Variants in GPC6 observed in about 807,000 individuals in gnomAD.
GPC6 encodes glypican 6, also known as glypican-6.
A neutral mutation model predicts 55.2 loss-of-function variants in GPC6; 14 were observed. The observed-to-expected ratio is 0.25, with a 90% CI of 0.17 to 0.40. The LOEUF is 0.40. Ranked by LOEUF, GPC6 falls within the 10% of genes least tolerant of loss-of-function variation. The pLI is 1.00. For synonymous variants in GPC6, 278 were observed against 259.6 expected (o/e 1.07, Z -0.68); for missense variants, 641 against 708.5 (o/e 0.90, Z 1.08).
intron 2 of GPC6, among the ~76,000 whole-genome samples, chr13:93,581,660 C>T (rs371133823): frequency 2.1e-4 from 32 of 152,060 alleles, no homozygotes; most frequent in African/African-American, 3.1e-4. Context: ...GCGAAGATTG[C>T]GCTGCTGCAC....
At chr13:94,167,307 G>A (rs1888401726) in intron 4 of GPC6, among the ~76,000 whole-genome samples, 1 of 152,194 alleles carries the variant, frequency 6.6e-6, no homozygotes, top group Non-Finnish European at 1.5e-5. Flanking sequence ...AACAGAGAGA[G>A]AGAGTGCAAG....
intron 3 of GPC6, among the ~76,000 whole-genome samples, chr13:93,900,182 C>T (rs1037577539): frequency 2.0e-4 from 30 of 151,944 alleles, no homozygotes; most frequent in African/African-American, 7.0e-4. Flanking sequence ...TAAGAATCTT[C>T]AGCATTCAAA....
chr13:93,235,180 AAGG>A (rs779992971), intron 1 of GPC6, among the ~76,000 whole-genome samples: 40 of 152,200 alleles, frequency 2.6e-4, no homozygotes, highest in Non-Finnish European at 4.6e-4. Context: ...TTGAAGCTGA[AAGG>A]AGGAGGCAAA....
At chr13:93,336,182 T>C (rs755556390) in intron 1 of GPC6, among the ~76,000 whole-genome samples, 4 of 152,240 alleles carry the variant, frequency 2.6e-5, no homozygotes, top group Non-Finnish European at 4.4e-5. Context: ...AAGTTATTTG[T>C]TGGGAAAAGT....
intron 2 of GPC6, among the ~76,000 whole-genome samples, chr13:93,587,614 T>C (rs1054224110): frequency 5.9e-5 from 9 of 152,228 alleles, no homozygotes; most frequent in African/African-American, 2.2e-4. Flanking sequence ...AAAATGCTCC[T>C]TTTTTCAGGT....
At chr13:94,111,047 C>T (rs748023680) in intron 4 of GPC6, among the ~76,000 whole-genome samples, 4 of 152,072 alleles carry the variant, frequency 2.6e-5, no homozygotes, top group Non-Finnish European at 4.4e-5. Flanking sequence ...GCGCTAACAG[C>T]ATCTAATTAG....
At position 93,517,576 on chromosome 13, in the gene GPC6, T is replaced by C. The variant is rs1434860126; in HGVS notation, c.161-27687T>C. Among the ~76,000 whole-genome samples the C allele has an allele frequency of 3.3e-5, 5 of 152,120 alleles. No individual in the cohort carries two copies. The East Asian group carries it at 9.6e-4, about 29-fold the overall frequency. ...TTGCATTTTTATGTTCTTTATGCTT[T>C]ATTTGGGAAGTTAATTTGGAGAGAA... On this transcript the variant is annotated intron_variant, in intron 1 of 8. Transcript: ENST00000377047.
chr13:94,167,195 G>A (rs1888397726), intron 4 of GPC6, among the ~76,000 whole-genome samples: 1 of 152,116 alleles, frequency 6.6e-6, no homozygotes, highest in Non-Finnish European at 1.5e-5. Context: ...ACAACTTATG[G>A]TCCAAAGTAT....
chr13:94,055,080 T>C (rs1469076651), intron 4 of GPC6, among the ~76,000 whole-genome samples: 2 of 152,260 alleles, frequency 1.3e-5, no homozygotes, highest in Admixed American at 1.3e-4. Flanking sequence ...TCTCGTCCTG[T>C]GTTTGGATAT....
At chr13:93,695,591 C>T (rs1289341385) in intron 2 of GPC6, among the ~76,000 whole-genome samples, 1 of 151,934 alleles carries the variant, frequency 6.6e-6, no homozygotes, top group Non-Finnish European at 1.5e-5. Flanking sequence ...AGTAAATTTT[C>T]TCTCAAAATA....
intron 2 of GPC6, among the ~76,000 whole-genome samples, chr13:93,745,132 C>T (rs556737756): frequency 2.0e-5 from 3 of 152,150 alleles, no homozygotes; most frequent in South Asian, 2.1e-4. Flanking sequence ...TGGACAAACC[C>T]GATCTTAGGC....
intron 1 of GPC6, among the ~76,000 whole-genome samples, chr13:93,431,831 A>G (rs1482339189): frequency 2.0e-5 from 3 of 152,194 alleles, no homozygotes; most frequent in Non-Finnish European, 4.4e-5. Context: ...TGCCTAGCAA[A>G]TAGTATGTGA....
chr13:93,926,070 G>A (rs1788333406), intron 3 of GPC6, among the ~76,000 whole-genome samples: 1 of 152,172 alleles, frequency 6.6e-6, no homozygotes, highest in Admixed American at 6.5e-5. Context: ...CTGACTGCCA[G>A]CAAGCATTCC....
intron 4 of GPC6, among the ~76,000 whole-genome samples, chr13:94,153,425 A>C (rs1887815355): frequency 6.6e-6 from 1 of 152,134 alleles, no homozygotes. Context: ...GTAAACACAA[A>C]GTATGATAAA....
chr13:93,424,997 G>A (rs1362333397), intron 1 of GPC6, among the ~76,000 whole-genome samples: 1 of 152,116 alleles, frequency 6.6e-6, no homozygotes, highest in Non-Finnish European at 1.5e-5. Context: ...TGATCCTAGT[G>A]ATGAGTGTTT....
chr13:94,072,479 A>G (rs4773776), intron 4 of GPC6, among the ~76,000 whole-genome samples: 29,157 of 152,028 alleles, frequency 0.19, 2,966 homozygotes, highest in South Asian at 0.26. Context: ...TCAGCCTGCC[A>G]AGTAGCTGGG....
chr13:93,363,107 C>CTT (rs1181781265), intron 1 of GPC6, among the ~76,000 whole-genome samples: 38 of 126,152 alleles, frequency 3.0e-4, no homozygotes, highest in East Asian at 2.0e-3. Flanking sequence ...TTTTTCTTTC[C>CTT]TTTTTTTTTG....
intron 2 of GPC6, among the ~76,000 whole-genome samples, chr13:93,632,237 C>T (rs1456839792): frequency 1.3e-5 from 2 of 152,072 alleles, no homozygotes; most frequent in Non-Finnish European, 2.9e-5. Context: ...ACAATGGGAC[C>T]ACTTGATATC....
At chr13:93,829,720 A>C (rs921202334) in intron 2 of GPC6, among the ~76,000 whole-genome samples, 2 of 152,240 alleles carry the variant, frequency 1.3e-5, no homozygotes, top group Non-Finnish European at 2.9e-5. Flanking sequence ...TTCAAATAAA[A>C]GCAATTTAAT....
Sources: allele counts gnomAD v4.1 joint callset (sites outside exome capture counted in the v4.1 genomes callset), GRCh38; gene constraint gnomAD v4.1.1; transcripts MANE v1.5; gene names NCBI Gene and HGNC (gene_info 2026-07-23, HGNC 2026-07-21).